SMARCA4: variants seen among roughly 807,000 people sequenced by gnomAD.
The protein encoded by SMARCA4 is SWI/SNF related BAF chromatin remodeling complex subunit ATPase 4.
SMARCA4 carries 31 observed loss-of-function variants against 193.9 expected under a neutral mutation model. The ratio of observed to expected loss-of-function variants is 0.16; its 90% CI spans 0.12 to 0.22. The LOEUF is 0.22. Among genes scored for constraint, SMARCA4 ranks in the 10% least tolerant of loss-of-function variants. SMARCA4 has a pLI of 1.00. For missense variants in SMARCA4, 1,148 were observed against 2,296.0 expected, an observed-to-expected ratio of 0.50 and a Z score of 10.22; for synonymous variants, 942 against 933.1, an observed-to-expected ratio of 1.01 and a Z score of -0.17.
chr19:11,053,075 T>C (rs1158704892), intron 30 of SMARCA4, among the ~76,000 whole-genome samples: 1 of 152,106 alleles, frequency 6.6e-6, no homozygotes, highest in Admixed American at 6.6e-5. Context: ...ACTTGGGTTC[T>C]TGGTGGGGAG....
rs569108577 is a variant in SMARCA4, at chr19:11,019,560, A to C, written c.2506-31A>C. On this transcript the variant is annotated intron_variant, in intron 17 of 34. Transcript: ENST00000344626. The surrounding 1 kb of genome is among the most constrained non-coding windows in gnomAD (Gnocchi z 6.1). ...TGCCACCTGGCCACCCGGCTCCAAA[A>C]GCCGAGCTGTGCATCCTGCTTCCCT... 20 of 1,518,374 alleles carry C rather than the reference A, an allele frequency of 1.3e-5. No individual in the cohort carries two copies. Among genetic ancestry groups the C allele is most frequent in the South Asian group, 8.1e-5 (7 of 86,600 alleles). The allele number at this position is 1,518,374 out of a possible 1,614,324, so 94.1% of individuals were successfully genotyped here.
chr19:11,027,692 TG>T (rs2090361781), intron 23 of SMARCA4, 91 bp from the exon 24 acceptor site: 12 of 1,414,898 alleles, frequency 8.5e-6, no homozygotes, highest in Non-Finnish European at 1.2e-5. Flanking sequence ...GCGCCTGGCC[TG>T]GAGGCGGGCG....
At position 10,996,361 on chromosome 19, in the gene SMARCA4, A is replaced by C. The variant is rs765139835; in HGVS notation, c.1742A>C (p.Lys581Thr). The change falls in exon 10 of 35, where the codon AAG (lysine) becomes ACG (threonine). Residue 581 changes from lysine to threonine, a missense_variant. Transcript: ENST00000344626. ...GCTGCCCAGGTCGCCAAGGAGAAAA[A>C]GAAGAAAAAGAAAAAGAAGGTGTGC... is the stretch of plus-strand genomic sequence containing the variant. ...HKAAQVAKEK[K>T]KKKKKKKAEN... 6.2e-7 allele frequency: 1 copy of C among 1,614,098 alleles called. No homozygotes were observed. Among genetic ancestry groups the C allele is most frequent in the Non-Finnish European group, 8.5e-7 (1 of 1,180,042 alleles).
chr19:10,973,094 G>A (rs2145555690), intron 1 of SMARCA4, among the ~76,000 whole-genome samples: 1 of 150,406 alleles, frequency 6.6e-6, no homozygotes, highest in African/African-American at 2.5e-5. Context: ...GGGTGACAGA[G>A]CCAGAGTCCA....
At chr19:10,988,284 C>T (rs2086247350) in intron 6 of SMARCA4, among the ~76,000 whole-genome samples, 1 of 152,172 alleles carries the variant, frequency 6.6e-6, no homozygotes, top group Non-Finnish European at 1.5e-5. Context: ...CCACACCTGG[C>T]TAATTTTGTA....
At chr19:10,992,268 T>C (rs2086624909) in intron 8 of SMARCA4, among the ~76,000 whole-genome samples, 1 of 150,164 alleles carries the variant, frequency 6.7e-6, no homozygotes, top group Non-Finnish European at 1.5e-5. Context: ...CCTGCCACCA[T>C]GCCTGGCTAA....
chr19:10,969,996 ATG>A (rs2084551639), intron 1 of SMARCA4, among the ~76,000 whole-genome samples: 1 of 152,180 alleles, frequency 6.6e-6, no homozygotes, highest in Non-Finnish European at 1.5e-5. Flanking sequence ...CCTCTGAGGT[ATG>A]ATATGGAATA....
chr19:11,061,652 G>A (rs551884649), intron 34 of SMARCA4, 132 bp from the exon 35 acceptor site: 114 of 868,488 alleles, frequency 1.3e-4, no homozygotes, highest in East Asian at 7.1e-4. Flanking sequence ...CTGGGATTAC[G>A]GGCGTGAGCC....
intron 30 of SMARCA4, among the ~76,000 whole-genome samples, chr19:11,047,442 T>G (rs2076007044): frequency 6.7e-6 from 1 of 149,798 alleles, no homozygotes; most frequent in Non-Finnish European, 1.5e-5. Flanking sequence ...GCAGTCTCAC[T>G]CTGTCACTCA....
chr19:10,991,123 G>A lies in SMARCA4; in HGVS notation c.1246-27G>A, dbSNP rs371642290. On this transcript the variant is annotated intron_variant, in intron 7 of 34. Transcript: ENST00000344626. ...TGGATGCCACAGAGCTGTGCAGTGC[G>A]CGGGCTTGTCCTCTTCCCTCCTACA... 6.8e-5 allele frequency: 109 copies of A among 1,612,440 alleles called. No homozygotes were observed. In the East Asian group the frequency reaches 1.4e-3, roughly 21 times the overall value.
chr19:10,985,122 T>C lies in SMARCA4; in HGVS notation c.223-151T>C, dbSNP rs2085902226. On this transcript the variant is annotated intron_variant, in intron 2 of 34. Transcript: ENST00000344626. The surrounding 1 kb of genome is among the most constrained non-coding windows in gnomAD (Gnocchi z 4.5). ...GAGGCCTAAGTAGGTGTCAGAACCT[T>C]GCCTTGGAGTCATGCTGGGGACTGG... 1 of 778,702 alleles carries C rather than the reference T, an allele frequency of 1.3e-6. No individual in the cohort carries two copies. The highest frequency in any genetic ancestry group is 1.7e-5 in the African/African-American group (1 of 57,490). 48.2% of individuals were successfully genotyped at this position (778,702 alleles called of 1,614,324 possible).
At position 10,986,306 on chromosome 19, in the gene SMARCA4, A is replaced by T. The variant is rs1259740249; in HGVS notation, c.473A>T (p.Asp158Val). Residue 158 changes from aspartate (D) to valine (V), a missense_variant, in exon 4 of 35, where the codon GAC (aspartate) becomes GTC (valine). Asp to Val is a radical substitution (Grantham distance 152). Coordinates refer to ENST00000344626, the MANE Select transcript of SMARCA4 (RefSeq NM_003072.5). The surrounding 1 kb of genome is among the most constrained non-coding windows in gnomAD (Gnocchi z 6.7). ...GPGGAPLDGA[D>V]PQALGQQNRG... Reference sequence around the variant, plus strand: ...GGAGGTGCCCCGCTGGATGGTGCTGACCCCCAGGCCTTGGGGCAGCAGAAC... The same window carrying T: ...GGAGGTGCCCCGCTGGATGGTGCTGTCCCCCAGGCCTTGGGGCAGCAGAAC... 1.2e-6 allele frequency: 2 copies of T among 1,613,418 alleles called. No individual in the cohort carries two copies. The highest frequency in any genetic ancestry group is 1.7e-6 in the Non-Finnish European group (2 of 1,179,908).
chr19:11,038,498 T>A (rs764341166), intron 29 of SMARCA4, among the ~76,000 whole-genome samples: 3 of 152,174 alleles, frequency 2.0e-5, no homozygotes, highest in Non-Finnish European at 4.4e-5. Context: ...CCTTCCATCC[T>A]CCTGGGCCCC....
chr19:10,978,023 C>T (rs2085279654), intron 1 of SMARCA4, among the ~76,000 whole-genome samples: 1 of 152,206 alleles, frequency 6.6e-6, no homozygotes, highest in Non-Finnish European at 1.5e-5. Context: ...CACTGTAGTC[C>T]CTGTGTGGTG....
At chr19:11,052,022 G>A (rs1310372191) in intron 30 of SMARCA4, among the ~76,000 whole-genome samples, 1 of 152,148 alleles carries the variant, frequency 6.6e-6, no homozygotes, top group Non-Finnish European at 1.5e-5. Context: ...TTGAACCCAG[G>A]AGGCAGAGGT....
chr19:11,051,113 G>A (rs758306289), intron 30 of SMARCA4, among the ~76,000 whole-genome samples: 4 of 152,258 alleles, frequency 2.6e-5, no homozygotes, highest in Non-Finnish European at 5.9e-5. Context: ...CTGTGGAGCC[G>A]TGCTGGGGTT....
rs114169311 is a variant in SMARCA4 at position 10,972,595 on chromosome 19, G to C, written c.-32+11421G>C. On this transcript the variant is annotated intron_variant, in intron 1 of 34. Coordinates refer to ENST00000344626, the MANE Select transcript of SMARCA4 (RefSeq NM_003072.5). Reference sequence around the variant, plus strand: ...GGGGGTAGTCATCAGTAAGTCCTCTGCTGTGGCGGTGGGGAAGGCCTGTCA... The same window carrying C: ...GGGGGTAGTCATCAGTAAGTCCTCTCCTGTGGCGGTGGGGAAGGCCTGTCA... Among the ~76,000 whole-genome samples, 1,296 of 152,276 alleles carry C rather than the reference G, an allele frequency of 8.5e-3. 21 individuals are homozygous for C. Among genetic ancestry groups the C allele is most frequent in the African/African-American group, 0.03 (1,244 of 41,540 alleles).
At chr19:11,004,648 A>G (rs936272698) in intron 13 of SMARCA4, among the ~76,000 whole-genome samples, 1 of 152,122 alleles carries the variant, frequency 6.6e-6, no homozygotes, top group African/African-American at 2.4e-5. Flanking sequence ...ACAACAGCAT[A>G]TGGGTTTTGC....
At chr19:11,026,790 C>T (rs754677936) in intron 23 of SMARCA4, among the ~76,000 whole-genome samples, 1 of 152,146 alleles carries the variant, frequency 6.6e-6, no homozygotes, top group Non-Finnish European at 1.5e-5. Context: ...TGAGCCACCG[C>T]GCCCGGCCCC....
Sources: gnomAD v4.1 joint callset for allele counts (sites outside exome capture counted in the v4.1 genomes callset) on GRCh38, gnomAD v4.1.1 for gene constraint, Gnocchi (gnomAD v3.1) non-coding constraint, MANE v1.5 for transcripts, NCBI Gene and HGNC (gene_info 2026-07-23, HGNC 2026-07-21) for gene names.